Variants in MAP3K1 observed in about 807,000 individuals in gnomAD.
MAP3K1 encodes the protein MAP/ERK kinase kinase 1.
MAP3K1 carries 36 observed loss-of-function variants against 144.2 expected under a neutral mutation model. The observed-to-expected ratio is 0.25, with a 90% CI of 0.19 to 0.33. The LOEUF is 0.33. MAP3K1 is among the 10% of genes least tolerant of loss of function. The pLI, the probability that MAP3K1 is intolerant of heterozygous loss-of-function variation, is 1.00. For synonymous variants in MAP3K1, 718 were observed against 688.7 expected, an observed-to-expected ratio of 1.04 and a Z score of -0.67; for missense variants, 1,650 against 1,881.9, an observed-to-expected ratio of 0.88 and a Z score of 2.28.
chr5:56,868,374 ATGGTTTCTTTCT>A (rs1476434991), intron 6 of MAP3K1, among the ~76,000 whole-genome samples: 1 of 152,132 alleles, frequency 6.6e-6, no homozygotes, highest in African/African-American at 2.4e-5. Context: ...GATGTTTGTA[ATGGTTTCTTTCT>A]TTCTTTTCTC....
chr5:56,832,904 G>A (rs914293666), intron 1 of MAP3K1, among the ~76,000 whole-genome samples: 2 of 152,198 alleles, frequency 1.3e-5, no homozygotes, highest in South Asian at 2.1e-4. Context: ...ACGGAGTCTC[G>A]CTCTGTCACC....
intron 1 of MAP3K1, among the ~76,000 whole-genome samples, chr5:56,855,502 C>G (rs984240408): frequency 7.2e-5 from 11 of 152,192 alleles, no homozygotes; most frequent in African/African-American, 2.4e-4. Context: ...CTACTTTCCT[C>G]ACAGTCTTGA....
chr5:56,878,481 A>G (rs759353911), intron 10 of MAP3K1, among the ~76,000 whole-genome samples: 7 of 152,022 alleles, frequency 4.6e-5, no homozygotes, highest in Non-Finnish European at 7.4e-5. Context: ...GTGATTTTCT[A>G]TTTTCCTCAT....
intron 1 of MAP3K1, among the ~76,000 whole-genome samples, chr5:56,833,096 T>C (rs1746545483): frequency 1.3e-5 from 2 of 152,126 alleles, no homozygotes; most frequent in African/African-American, 4.8e-5. Context: ...GGTCTTGATC[T>C]CCTGACCTTG....
At chr5:56,853,681 G>A (rs1747246683) in intron 1 of MAP3K1, among the ~76,000 whole-genome samples, 1 of 152,190 alleles carries the variant, frequency 6.6e-6, no homozygotes, top group Admixed American at 6.5e-5. Context: ...GAAAGTCTCT[G>A]AGGAGTTGAG....
At chr5:56,839,568 A>G (rs1341456811) in intron 1 of MAP3K1, among the ~76,000 whole-genome samples, 1 of 152,156 alleles carries the variant, frequency 6.6e-6, no homozygotes, top group Non-Finnish European at 1.5e-5. Flanking sequence ...AATGTCATTT[A>G]GTTGAACATT....
intron 1 of MAP3K1, among the ~76,000 whole-genome samples, chr5:56,817,961 C>G (rs1746030017): frequency 2.6e-5 from 4 of 152,048 alleles, no homozygotes; most frequent in South Asian, 2.1e-4. Context: ...GTTTTGTAAC[C>G]GAGGTTTTTT....
intron 1 of MAP3K1, among the ~76,000 whole-genome samples, chr5:56,824,107 TC>T (rs1268763656): frequency 1.3e-5 from 2 of 152,222 alleles, no homozygotes; most frequent in African/African-American, 4.8e-5. Flanking sequence ...AGTTCACATT[TC>T]CATTGAAGAA....
In MAP3K1 at chr5:56,894,369, A is replaced by G. The variant is rs1399275013; in HGVS notation, c.*689A>G. Reference sequence around the variant, plus strand: ...GGAAAGCTGATCTTTTTTTCAAACCAGAAAAAAAAAATGAACTAGATATGA... The same window carrying G: ...GGAAAGCTGATCTTTTTTTCAAACCGGAAAAAAAAAATGAACTAGATATGA... On this transcript the variant is annotated 3_prime_UTR_variant, in exon 20 of 20. Transcript: ENST00000399503. 5 of 232,010 alleles carry G rather than the reference A, an allele frequency of 2.2e-5. No homozygotes were observed. Among genetic ancestry groups the G allele is most frequent in the Non-Finnish European group, 3.4e-5 (4 of 117,576 alleles). 14.4% of individuals were successfully genotyped at this position (232,010 alleles called of 1,614,324 possible).
chr5:56,834,710 A>G (rs910012414), intron 1 of MAP3K1, among the ~76,000 whole-genome samples: 1 of 152,032 alleles, frequency 6.6e-6, no homozygotes, highest in Non-Finnish European at 1.5e-5. Flanking sequence ...CTCCATCTCA[A>G]AACAAAGAAA....
intron 1 of MAP3K1, among the ~76,000 whole-genome samples, chr5:56,834,139 G>GAAA (rs1554030796): frequency 2.6e-5 from 4 of 151,660 alleles, no homozygotes; most frequent in African/African-American, 9.7e-5. Context: ...TTTTTCTTCA[G>GAAA]TAGTAGTTTG....
intron 2 of MAP3K1, among the ~76,000 whole-genome samples, chr5:56,857,529 C>T (rs1747377594): frequency 6.6e-6 from 1 of 152,172 alleles, no homozygotes; most frequent in African/African-American, 2.4e-5. Context: ...TTCATCTAAG[C>T]TTTGACAAGG....
chr5:56,840,516 G>T (rs252922), intron 1 of MAP3K1, among the ~76,000 whole-genome samples: 114,529 of 152,148 alleles, frequency 0.75, 43,636 homozygotes, highest in Non-Finnish European at 0.82. Context: ...TACAAAACTT[G>T]TAAATATTTT....
intron 19 of MAP3K1, 135 bp downstream of exon 19, chr5:56,888,492 G>C (rs1271426567): frequency 1.5e-5 from 12 of 806,992 alleles, no homozygotes; most frequent in Non-Finnish European, 2.3e-5. Flanking sequence ...TATTCAGAGA[G>C]GATTTGATAT....
At chr5:56,831,280 G>A (rs935854398) in intron 1 of MAP3K1, among the ~76,000 whole-genome samples, 2 of 151,038 alleles carry the variant, frequency 1.3e-5, no homozygotes, top group Non-Finnish European at 2.9e-5. Context: ...TCTGTCCTCT[G>A]TGATTATATG....
intron 1 of MAP3K1, among the ~76,000 whole-genome samples, chr5:56,840,968 C>T (rs1458403152): frequency 1.6e-4 from 24 of 151,628 alleles, no homozygotes. Context: ...CTCCGCTTCC[C>T]GAGTTCAAGC....
At position 56,875,021 on chromosome 5, in the gene MAP3K1, G is replaced by C. The variant is rs572551707; in HGVS notation, c.1687-11G>C. 6.2e-7 allele frequency: 1 copy of C among 1,614,088 alleles called. No homozygotes were observed. Among genetic ancestry groups the C allele is most frequent in the South Asian group, 1.1e-5 (1 of 91,086 alleles). On this transcript the variant is annotated splice_polypyrimidine_tract_variant and intron_variant, in intron 9 of 19. Transcript: ENST00000399503. The stretch of plus-strand genomic sequence containing the variant: ...TCTTTACATTGAATTCATCGTGTGT[G>C]TTTGATACAGGTGTTTGGAATGGAA...
intron 10 of MAP3K1, among the ~76,000 whole-genome samples, chr5:56,875,694 TAAAACAAAAC>T (rs375368171): frequency 6.6e-6 from 1 of 151,914 alleles, no homozygotes. Flanking sequence ...TGCTAAAGCC[TAAAACAAAAC>T]AAAACAAAAC....
chr5:56,848,756 G>A (rs192572490), intron 1 of MAP3K1, among the ~76,000 whole-genome samples: 23 of 152,242 alleles, frequency 1.5e-4, no homozygotes, highest in African/African-American at 5.5e-4. Context: ...CCATGATTTA[G>A]GGTAAATGGA....
Sources: allele counts gnomAD v4.1 joint callset (sites outside exome capture counted in the v4.1 genomes callset), GRCh38; gene constraint gnomAD v4.1.1; transcripts MANE v1.5; gene names NCBI Gene and HGNC (gene_info 2026-07-23, HGNC 2026-07-21).